Variants in CREBBP observed in about 807,000 individuals in gnomAD.
CREBBP encodes the protein CREB binding lysine acetyltransferase.
CREBBP carries 19 observed loss-of-function variants against 265.0 expected under a neutral mutation model. The observed-to-expected ratio is 0.07, with a 90% CI of 0.05 to 0.11. The LOEUF (loss-of-function observed/expected upper bound fraction) is 0.11, where lower values mean the gene tolerates loss of function less well. Among genes scored for constraint, CREBBP ranks in the 10% least tolerant of loss-of-function variants. The pLI, the probability that CREBBP is intolerant of heterozygous loss-of-function variation, is 1.00. For missense variants in CREBBP, 2,525 were observed against 3,219.0 expected, an observed-to-expected ratio of 0.78 and a Z score of 5.22; for synonymous variants, 1,457 against 1,223.7, an observed-to-expected ratio of 1.19 and a Z score of -3.98.
intron 5 of CREBBP, among the ~76,000 whole-genome samples, chr16:3,789,601 C>G (rs1349151299): frequency 6.6e-6 from 1 of 152,132 alleles, no homozygotes; most frequent in African/African-American, 2.4e-5. Flanking sequence ...CTCTGGGTTC[C>G]TAACTCAAGA....
At chr16:3,735,320 G>A (rs576205996) in intron 28 of CREBBP, among the ~76,000 whole-genome samples, 163 of 152,210 alleles carry the variant, frequency 1.1e-3, no homozygotes, top group Admixed American at 2.5e-3. Flanking sequence ...GTTCTGAAAC[G>A]GAGTCTCGCA....
At chr16:3,866,768 A>C (rs2141567127) in intron 1 of CREBBP, among the ~76,000 whole-genome samples, 1 of 152,172 alleles carries the variant, frequency 6.6e-6, no homozygotes, top group African/African-American at 2.4e-5. Flanking sequence ...TCCTACATAC[A>C]CCATTAGCAT....
chr16:3,859,724 C>T (rs1597070336), intron 1 of CREBBP, among the ~76,000 whole-genome samples: 1 of 152,174 alleles, frequency 6.6e-6, no homozygotes, highest in Non-Finnish European at 1.5e-5. Context: ...TAAAAACTCA[C>T]AAGTACAGGG....
In CREBBP at chr16:3,850,165, C is replaced by T. The variant is rs193140081; in HGVS notation, c.798+132G>A. 217 of 847,958 alleles carry T rather than the reference C, an allele frequency of 2.6e-4. No homozygotes were observed. In the African/African-American group the frequency reaches 3.4e-3, roughly 13 times the overall value. 52.5% of individuals were successfully genotyped at this position (847,958 alleles called of 1,614,324 possible). A position where few individuals can be genotyped will look rare whatever the true frequency, so the allele number is the denominator to read the frequency against. ...TATCCTAGAAAGAAATCTGTCTCTT[C>T]CAAGCATGAGTGGCACGTGGAGAGC... is the stretch of plus-strand genomic sequence containing the variant. On this transcript the variant is annotated intron_variant, in intron 2 of 30. Coordinates refer to ENST00000262367, the MANE Select transcript of CREBBP (RefSeq NM_004380.3).
At position 3,777,931 on chromosome 16, in the gene CREBBP, G is replaced by A. The variant is rs1364340452; in HGVS notation, c.2113+80C>T. 5.3e-6 allele frequency: 8 copies of A among 1,509,372 alleles called. No individual in the cohort carries two copies. In the South Asian group the frequency reaches 6.8e-5, roughly 13 times the overall value. 93.5% of individuals were successfully genotyped at this position (1,509,372 alleles called of 1,614,324 possible). A position where few individuals can be genotyped will look rare whatever the true frequency, so the allele number is the denominator to read the frequency against. ...CATGCATCAGATATTCTAATTCTCT[G>A]TTCTTAGAAATACACCCCAAACACG... On this transcript the variant is annotated intron_variant, in intron 10 of 30. Transcript: ENST00000262367.
intron 18 of CREBBP, among the ~76,000 whole-genome samples, 192 bp downstream of exon 18, chr16:3,757,617 G>A (rs796701524): frequency 2.6e-5 from 4 of 152,248 alleles, no homozygotes; most frequent in African/African-American, 9.6e-5. Flanking sequence ...CTTCCCCATG[G>A]CCTCCCTCAG....
chr16:3,774,703 T>C lies in CREBBP; in HGVS notation c.2159-10A>G, dbSNP rs751902380. The C allele has an allele frequency of 4.3e-6, 7 of 1,614,144 alleles. No individual in the cohort carries two copies. The East Asian group carries it at 1.6e-4, about 36-fold the overall frequency. On this transcript the variant is annotated splice_polypyrimidine_tract_variant and intron_variant, in intron 11 of 30. Transcript: ENST00000262367. ...TTAAATGAATTCATCCCTGTAAATG[T>C]ACCCACAACGGTTCATTAGGAAAAG...
At chr16:3,756,042 G>A (rs908779378) in intron 19 of CREBBP, among the ~76,000 whole-genome samples, 1 of 151,894 alleles carries the variant, frequency 6.6e-6, no homozygotes, top group African/African-American at 2.4e-5. Context: ...AAAAAACATA[G>A]AAGAATTAAA....
intron 12 of CREBBP, among the ~76,000 whole-genome samples, chr16:3,774,258 T>A (rs1413259457): frequency 6.6e-6 from 1 of 152,182 alleles, no homozygotes; most frequent in Admixed American, 6.5e-5. Flanking sequence ...AACAGCGAGC[T>A]CTCAGTCAAC....
At chr16:3,786,069 A>G (rs1290463711) in intron 5 of CREBBP, among the ~76,000 whole-genome samples, 1 of 152,226 alleles carries the variant, frequency 6.6e-6, no homozygotes, top group Non-Finnish European at 1.5e-5. Flanking sequence ...GAGGCCGGGT[A>G]CGGCCAAGTG....
chr16:3,728,511 T>G lies in CREBBP; in HGVS notation c.6536A>C (p.Asn2179Thr), dbSNP rs1449927871. ...QALNIMNPGH[N>T]PNMASMNPQY... ...TGGATTCATACTCGCCATGTTGGGG[T>G]TGTGTCCTGGGTTCATGATGTTCAA... Residue 2179 changes from asparagine (N) to threonine (T), a missense_variant, in exon 31 of 31, where the codon AAC (asparagine) becomes ACC (threonine). By Grantham distance (65) the Asn-to-Thr change is moderately conservative (BLOSUM62 0). Coordinates refer to ENST00000262367, the MANE Select transcript of CREBBP (RefSeq NM_004380.3). The surrounding 1 kb of genome is among the most constrained non-coding windows in gnomAD (Gnocchi z 8.7). 4 of 1,613,892 alleles carry G rather than the reference T, an allele frequency of 2.5e-6. No individual in the cohort carries two copies. The Admixed American group carries it at 6.7e-5, about 27-fold the overall frequency.
intron 2 of CREBBP, among the ~76,000 whole-genome samples, chr16:3,813,644 A>G (rs2053980316): frequency 6.6e-6 from 1 of 152,192 alleles, no homozygotes; most frequent in Non-Finnish European, 1.5e-5. Flanking sequence ...TTCGGACAAA[A>G]TATGACAGAA....
intron 1 of CREBBP, among the ~76,000 whole-genome samples, chr16:3,874,274 C>G (rs2055356156): frequency 6.6e-6 from 1 of 152,230 alleles, no homozygotes. Context: ...GAGACCCAAG[C>G]TAGCCTGCTG....
intron 2 of CREBBP, among the ~76,000 whole-genome samples, chr16:3,818,200 G>C (rs921400171): frequency 6.6e-6 from 1 of 152,146 alleles, no homozygotes; most frequent in Non-Finnish European, 1.5e-5. Context: ...GGAGGAGGAC[G>C]GCCAGAAATG....
Position 3,725,668 on chromosome 16 carries a change from A to C in CREBBP, c.*2050T>G, listed in dbSNP as rs1326217491. On this transcript the variant is annotated 3_prime_UTR_variant, in exon 31 of 31. Transcript: ENST00000262367. ...TTACTTGAATTATTCTGCATTTTAT[A>C]ACTCAAGGTTCAAAGCTCTGTGCTA... is the stretch of plus-strand genomic sequence containing the variant. 2 of 233,188 alleles carry C rather than the reference A, an allele frequency of 8.6e-6. No individual in the cohort carries two copies. The highest frequency in any genetic ancestry group is 1.7e-5 in the Non-Finnish European group (2 of 118,072). 14.4% of individuals were successfully genotyped at this position (233,188 alleles called of 1,614,324 possible).
At chr16:3,847,867 A>G (rs1475819505) in intron 2 of CREBBP, among the ~76,000 whole-genome samples, 1 of 152,200 alleles carries the variant, frequency 6.6e-6, no homozygotes. Flanking sequence ...TTGAGTAAAA[A>G]TCTATAAAAA....
At chr16:3,788,366 T>C (rs1286849941) in intron 5 of CREBBP, among the ~76,000 whole-genome samples, 1 of 152,210 alleles carries the variant, frequency 6.6e-6, no homozygotes, top group Non-Finnish European at 1.5e-5. Flanking sequence ...ATTTCTTTAT[T>C]GCTTACAACC....
intron 3 of CREBBP, among the ~76,000 whole-genome samples, chr16:3,801,088 C>A (rs755868000): frequency 6.6e-6 from 1 of 152,144 alleles, no homozygotes; most frequent in African/African-American, 2.4e-5. Flanking sequence ...GGACTAGCCA[C>A]ACACGACAGG....
At chr16:3,769,996 G>A (rs1212188973) in intron 14 of CREBBP, among the ~76,000 whole-genome samples, 1 of 151,860 alleles carries the variant, frequency 6.6e-6, no homozygotes, top group African/African-American at 2.4e-5. Flanking sequence ...TCAGCCTCCC[G>A]AGTAGCTGGG....
Sources: gnomAD v4.1 joint callset for allele counts (sites outside exome capture counted in the v4.1 genomes callset) on GRCh38, gnomAD v4.1.1 for gene constraint, Gnocchi (gnomAD v3.1) non-coding constraint, MANE v1.5 for transcripts, NCBI Gene and HGNC (gene_info 2026-07-23, HGNC 2026-07-21) for gene names.